NUMB: variants seen among roughly 807,000 people sequenced by gnomAD.
NUMB encodes NUMB endocytic adaptor protein.
NUMB carries 29 observed loss-of-function variants against 59.7 expected under a neutral mutation model. The ratio of observed to expected loss-of-function variants is 0.49; its 90% CI spans 0.36 to 0.66. NUMB has a LOEUF of 0.66. Ranked by LOEUF, NUMB falls within the 30% of genes least tolerant of loss-of-function variation. NUMB has a pLI of 0.00. For missense variants in NUMB, 723 were observed against 822.0 expected (o/e 0.88, Z 1.47); for synonymous variants, 288 against 288.2 (o/e 1.00, Z 0.01).
At chr14:73,419,080 T>A (rs186766932) in intron 1 of NUMB, among the ~76,000 whole-genome samples, 4 of 152,220 alleles carry the variant, frequency 2.6e-5, no homozygotes, top group Admixed American at 2.6e-4. Flanking sequence ...TTTGATGACA[T>A]AAGATTAAAG....
At chr14:73,448,986 A>G (rs1883737759) in intron 1 of NUMB, among the ~76,000 whole-genome samples, 1 of 142,638 alleles carries the variant, frequency 7.0e-6, no homozygotes, top group Admixed American at 7.6e-5. Flanking sequence ...CTTGCATCAA[A>G]TATATTCGGA....
chr14:73,311,730 GA>G (rs1890786536), intron 6 of NUMB, among the ~76,000 whole-genome samples: 1 of 152,040 alleles, frequency 6.6e-6, no homozygotes, highest in Non-Finnish European at 1.5e-5. Context: ...ATGATTCAAA[GA>G]ATAACAAAGT....
intron 2 of NUMB, among the ~76,000 whole-genome samples, chr14:73,406,712 A>C (rs1002318342): frequency 4.6e-5 from 7 of 152,174 alleles, no homozygotes; most frequent in South Asian, 4.1e-4. Flanking sequence ...TCCCACCAAC[A>C]GTGTAAAAGT....
rs796522662 is a variant in NUMB, at chr14:73,352,451, CACACACAT to C, written c.126+3167_126+3174del. Among the ~76,000 whole-genome samples the C allele has an allele frequency of 1.8e-4, 6 of 33,472 alleles. 1 individual carries two copies. Among genetic ancestry groups the C allele is most frequent in the Non-Finnish European group, 3.0e-4 (6 of 19,714 alleles). 22.0% of individuals were successfully genotyped at this position (33,472 alleles called of 152,430 possible). A position where few individuals can be genotyped will look rare whatever the true frequency, so the allele number is the denominator to read the frequency against. On this transcript the variant is annotated intron_variant, in intron 4 of 12. Transcript: ENST00000555238. ...ATATATATACACACACACACACACA[CACACACAT>C]ACACACACACACACACACATATATA...
chr14:73,440,291 A>AT (rs1882955699), intron 1 of NUMB, among the ~76,000 whole-genome samples: 1 of 151,648 alleles, frequency 6.6e-6, no homozygotes, highest in Non-Finnish European at 1.5e-5. Context: ...ACACATCCAT[A>AT]TATCTATAGA....
chr14:73,315,227 A>G (rs542334365), intron 6 of NUMB, among the ~76,000 whole-genome samples: 1 of 152,308 alleles, frequency 6.6e-6, no homozygotes, highest in South Asian at 2.1e-4. Context: ...TTTGTTCTTT[A>G]AAACAAAGTT....
At chr14:73,291,513 G>C (rs1889401270) in intron 8 of NUMB, among the ~76,000 whole-genome samples, 1 of 151,862 alleles carries the variant, frequency 6.6e-6, no homozygotes, top group South Asian at 2.1e-4. Flanking sequence ...AAGTAGCTGG[G>C]ATCACAGGCA....
chr14:73,295,447 G>C (rs909950077), intron 7 of NUMB, among the ~76,000 whole-genome samples: 1 of 152,166 alleles, frequency 6.6e-6, no homozygotes, highest in African/African-American at 2.4e-5. Context: ...TAGCTTTCAA[G>C]TATAACAAAT....
chr14:73,319,584 A>C (rs1891287336), intron 5 of NUMB, among the ~76,000 whole-genome samples: 1 of 152,212 alleles, frequency 6.6e-6, no homozygotes, highest in Admixed American at 6.5e-5. Flanking sequence ...ACAAACAAAA[A>C]GTCTCCAGAA....
chr14:73,422,389 C>T (rs1382118304), intron 1 of NUMB, among the ~76,000 whole-genome samples: 1 of 152,116 alleles, frequency 6.6e-6, no homozygotes, highest in African/African-American at 2.4e-5. Context: ...AATGATAGAG[C>T]TCAATATGGC....
In NUMB at chr14:73,275,920, C is replaced by T. The variant is rs1195110258; in HGVS notation, c.*658G>A. The T allele has an allele frequency of 2.0e-5, 3 of 152,646 alleles. No individual in the cohort carries two copies. The highest frequency in any genetic ancestry group is 4.4e-5 in the Non-Finnish European group (3 of 68,030). The allele number at this position is 152,646 out of a possible 1,614,324, so 9.5% of individuals were successfully genotyped here. ...AGCCCCTTTACCTTTGGCAAGATTA[C>T]TTACAACTCATACAACTTCTTAATA... On this transcript the variant is annotated 3_prime_UTR_variant, in exon 13 of 13. Coordinates refer to ENST00000555238, the MANE Select transcript of NUMB (RefSeq NM_001005743.2).
intron 1 of NUMB, among the ~76,000 whole-genome samples, chr14:73,428,709 CAGG>C (rs1325007665): frequency 6.6e-6 from 1 of 152,034 alleles, no homozygotes; most frequent in African/African-American, 2.4e-5. Context: ...AGTTCAAGCT[CAGG>C]AGTTCAAGGC....
intron 4 of NUMB, among the ~76,000 whole-genome samples, chr14:73,348,207 C>T (rs1031034162): frequency 1.3e-5 from 2 of 152,144 alleles, no homozygotes; most frequent in African/African-American, 4.8e-5. Context: ...AAAATACATT[C>T]CAAATTCTGA....
At chr14:73,425,395 AG>A (rs1181818980) in intron 1 of NUMB, among the ~76,000 whole-genome samples, 1 of 152,142 alleles carries the variant, frequency 6.6e-6, no homozygotes, top group Non-Finnish European at 1.5e-5. Context: ...AAATAGAAAT[AG>A]GGGTCTCGCT....
intron 1 of NUMB, among the ~76,000 whole-genome samples, chr14:73,443,645 T>A (rs1883246277): frequency 6.6e-6 from 1 of 151,508 alleles, no homozygotes; most frequent in Non-Finnish European, 1.5e-5. Context: ...ATTGATCGAT[T>A]GATGATTGAT....
intron 6 of NUMB, among the ~76,000 whole-genome samples, chr14:73,311,213 G>A (rs61985763): frequency 0.033 from 4,997 of 151,966 alleles, 119 homozygotes; most frequent in Non-Finnish European, 0.052. Context: ...CTGCCATCAC[G>A]CCTGGCTAAT....
chr14:73,281,767 T>C (rs903309282), intron 11 of NUMB, among the ~76,000 whole-genome samples: 3 of 152,356 alleles, frequency 2.0e-5, no homozygotes, highest in Admixed American at 6.5e-5. Context: ...TTAGCCTCTT[T>C]GACAGGGCAG....
At chr14:73,320,249 C>CA (rs1891331348) in intron 5 of NUMB, among the ~76,000 whole-genome samples, 2 of 152,132 alleles carry the variant, frequency 1.3e-5, no homozygotes, top group East Asian at 3.8e-4. Context: ...TGCAAAACTA[C>CA]ATATAACATT....
At chr14:73,438,670 T>C (rs1276615870) in intron 1 of NUMB, among the ~76,000 whole-genome samples, 1 of 143,062 alleles carries the variant, frequency 7.0e-6, no homozygotes, top group Non-Finnish European at 1.5e-5. Context: ...ATAATTGTAA[T>C]AAAAATAATA....
Sources: allele counts gnomAD v4.1 joint callset (sites outside exome capture counted in the v4.1 genomes callset), GRCh38; gene constraint gnomAD v4.1.1; transcripts MANE v1.5; gene names NCBI Gene and HGNC (gene_info 2026-07-23, HGNC 2026-07-21).